CHRNA7: variants seen among roughly 807,000 people sequenced by gnomAD.
CHRNA7 encodes the protein cholinergic receptor nicotinic alpha 7 subunit.
Under a neutral mutation model 48.0 loss-of-function variants are expected in CHRNA7, and 17 were observed. That is an observed-to-expected ratio of 0.35 (90% CI 0.24 to 0.53). The LOEUF (loss-of-function observed/expected upper bound fraction) is 0.53. CHRNA7 is among the 20% of genes least tolerant of loss of function. The pLI, the probability that CHRNA7 is intolerant of heterozygous loss-of-function variation, is 0.92. For missense variants in CHRNA7, 155 were observed against 577.7 expected (o/e 0.27, Z 7.50); for synonymous variants, 75 against 242.3 (o/e 0.31, Z 6.41).
intron 2 of CHRNA7, among the ~76,000 whole-genome samples, chr15:32,043,269 T>A (rs116854980): frequency 0.031 from 4,722 of 152,262 alleles, 88 homozygotes; most frequent in Middle Eastern, 0.089. Context: ...GTTTAAATGA[T>A]TTATGATGAT....
intron 2 of CHRNA7, among the ~76,000 whole-genome samples, chr15:32,077,719 G>T (rs1208867833): frequency 6.6e-6 from 1 of 152,126 alleles, no homozygotes; most frequent in Non-Finnish European, 1.5e-5. Context: ...TGGAAGTATG[G>T]CACCATCATC....
chr15:32,087,437 T>C (rs188843359), intron 2 of CHRNA7, among the ~76,000 whole-genome samples: 11 of 152,272 alleles, frequency 7.2e-5, no homozygotes, highest in South Asian at 2.1e-4. Context: ...CCTGGTTCCT[T>C]GTATTGGTGA....
intron 2 of CHRNA7, among the ~76,000 whole-genome samples, chr15:32,037,056 GT>G (rs1366192848): frequency 6.6e-6 from 1 of 152,050 alleles, no homozygotes. Context: ...GAGTTTTATA[GT>G]TTTGCACTTT....
In CHRNA7 at chr15:32,032,102, C is replaced by T. The variant is rs188871564; in HGVS notation, c.195+1065C>T. Among the ~76,000 whole-genome samples, 5 of 152,332 alleles carry T rather than the reference C, an allele frequency of 3.3e-5. No individual in the cohort carries two copies. In the East Asian group the frequency reaches 9.6e-4, roughly 29 times the overall value. ...ACTATCATGTTGATGAATGGTATAT[C>T]ACTTAACCTAGTTAAAATTGCCATC... On this transcript the variant is annotated intron_variant, in intron 2 of 9. Coordinates refer to ENST00000306901, the MANE Select transcript of CHRNA7 (RefSeq NM_000746.6).
At position 32,030,797 on chromosome 15, in the gene CHRNA7, G is replaced by A. The variant is rs1286852300; in HGVS notation, c.56-101G>A. ...GGGGCGCTGCGGGGGCTGCTTGTCT[G>A]GGCTGCACCGGGTGGGCGGCGGGGG... is the stretch of plus-strand genomic sequence containing the variant. On this transcript the variant is annotated intron_variant, in intron 1 of 9. Coordinates refer to ENST00000306901, the MANE Select transcript of CHRNA7 (RefSeq NM_000746.6). 5 of 1,522,862 alleles carry A rather than the reference G, an allele frequency of 3.3e-6. No individual in the cohort carries two copies. In the African/African-American group the frequency reaches 6.9e-5, roughly 21 times the overall value. The allele number at this position is 1,522,862 out of a possible 1,614,324, so 94.3% of individuals were successfully genotyped here. A position where few individuals can be genotyped will look rare whatever the true frequency, so the allele number is the denominator to read the frequency against.
intron 4 of CHRNA7, among the ~76,000 whole-genome samples, chr15:32,123,895 T>TCC (rs768716002): frequency 9.0e-6 from 1 of 110,800 alleles, no homozygotes; most frequent in Non-Finnish European, 1.7e-5. Flanking sequence ...ATTCCTAAGC[T>TCC]CCCCCCCGCC....
intron 2 of CHRNA7, among the ~76,000 whole-genome samples, chr15:32,039,088 C>A (rs745623356): frequency 2.0e-5 from 3 of 152,198 alleles, no homozygotes; most frequent in Non-Finnish European, 2.9e-5. Context: ...CCTTTTAATG[C>A]CCATGGGCTG....
chr15:32,115,962 A>G lies in CHRNA7; in HGVS notation c.350+4063A>G, dbSNP rs139412072. On this transcript the variant is annotated intron_variant, in intron 4 of 9. Transcript: ENST00000306901. ...GAGTCCAAAAATTCACACAGGAAAT[A>G]GCAAAAATAGTCTTCACTACTAATA... is the stretch of plus-strand genomic sequence containing the variant. 2.4e-4 allele frequency among the ~76,000 whole-genome samples: 37 copies of G among 152,378 alleles called. No individual in the cohort carries two copies. In the East Asian group the frequency reaches 7.1e-3, roughly 29 times the overall value.
At position 32,030,891 on chromosome 15, in the gene CHRNA7, C is replaced by T. The variant is rs765985571; in HGVS notation, c.56-7C>T. 2 of 1,613,584 alleles carry T rather than the reference C, an allele frequency of 1.2e-6. No individual in the cohort carries two copies. The highest frequency in any genetic ancestry group is 1.3e-5 in the African/African-American group (1 of 74,946). ...TGAGCCCCCTGCCCGGGTCTTCTCT[C>T]CTTAAGTGTCCCTGCAAGGCGAGTT... On this transcript the variant is annotated splice_polypyrimidine_tract_variant and splice_region_variant and intron_variant, in intron 1 of 9. Coordinates refer to ENST00000306901, the MANE Select transcript of CHRNA7 (RefSeq NM_000746.6).
At chr15:32,115,874 G>T (rs549251107) in intron 4 of CHRNA7, among the ~76,000 whole-genome samples, 1 of 152,284 alleles carries the variant, frequency 6.6e-6, no homozygotes, top group South Asian at 2.1e-4. Context: ...AGAACAGCCA[G>T]AGAAGAAAGA....
At chr15:32,116,572 A>G (rs142426677) in intron 4 of CHRNA7, among the ~76,000 whole-genome samples, 1 of 152,350 alleles carries the variant, frequency 6.6e-6, no homozygotes, top group Non-Finnish European at 1.5e-5. Flanking sequence ...TAAAGTGGGT[A>G]GCAATTATGG....
chr15:32,146,068 T>G (rs1281117911), intron 4 of CHRNA7, among the ~76,000 whole-genome samples: 1 of 152,204 alleles, frequency 6.6e-6, no homozygotes, highest in Non-Finnish European at 1.5e-5. Flanking sequence ...TATGTATAAG[T>G]CTTAACTAAA....
At chr15:32,146,919 C>A (rs775645675) in intron 4 of CHRNA7, among the ~76,000 whole-genome samples, 5 of 152,084 alleles carry the variant, frequency 3.3e-5, no homozygotes, top group Admixed American at 6.5e-5. Flanking sequence ...GAAAAAGAAC[C>A]AAGTTGGGGG....
chr15:32,068,111 A>C (rs2049995029), intron 2 of CHRNA7, among the ~76,000 whole-genome samples: 1 of 152,114 alleles, frequency 6.6e-6, no homozygotes, highest in South Asian at 2.1e-4. Context: ...CTATCGTTGG[A>C]GGCTAGCCTG....
At chr15:32,079,173 T>G (rs961402331) in intron 2 of CHRNA7, among the ~76,000 whole-genome samples, 1 of 152,216 alleles carries the variant, frequency 6.6e-6, no homozygotes, top group African/African-American at 2.4e-5. Flanking sequence ...GAGCCATTTA[T>G]GGCAGACCCA....
intron 2 of CHRNA7, among the ~76,000 whole-genome samples, chr15:32,062,105 A>G (rs2049889005): frequency 6.6e-6 from 1 of 152,128 alleles, no homozygotes; most frequent in South Asian, 2.1e-4. Context: ...TAACTCTTTT[A>G]GCTGTTTCTT....
intron 1 of CHRNA7, 27 bp downstream of exon 1, chr15:32,030,676 A>G (rs756866825): frequency 2.6e-6 from 4 of 1,561,670 alleles, no homozygotes; most frequent in East Asian, 4.8e-5. Context: ...CCCGCCCTCC[A>G]CTCCTCCGTG....
At chr15:32,055,005 G>C (rs550962272) in intron 2 of CHRNA7, among the ~76,000 whole-genome samples, 96 of 152,188 alleles carry the variant, frequency 6.3e-4, no homozygotes, top group Non-Finnish European at 1.1e-3. Context: ...ATTCCCACCA[G>C]CAGTGTATGA....
At chr15:32,060,968 C>T (rs1367710827) in intron 2 of CHRNA7, among the ~76,000 whole-genome samples, 2 of 152,182 alleles carry the variant, frequency 1.3e-5, no homozygotes, top group South Asian at 2.1e-4. Context: ...TGCAGAGCTG[C>T]CTACCCGAGG....
Sources: gnomAD v4.1 joint callset for allele counts (sites outside exome capture counted in the v4.1 genomes callset) on GRCh38, gnomAD v4.1.1 for gene constraint, MANE v1.5 for transcripts, NCBI Gene and HGNC (gene_info 2026-07-23, HGNC 2026-07-21) for gene names.